Variants in SEL1L2 observed in about 807,000 individuals in gnomAD.
SEL1L2 encodes SEL1L2 adaptor subunit of SYVN1 ubiquitin ligase.
SEL1L2 carries 89 observed loss-of-function variants against 98.8 expected under a neutral mutation model. The observed-to-expected ratio is 0.90, with a 90% CI of 0.76 to 1.07. The LOEUF is 1.07. SEL1L2 is among the 50% of genes least tolerant of loss of function. The probability of loss-of-function intolerance (pLI) is 0.00; values close to 1 mark genes in which losing one functional copy is unlikely to be tolerated. For synonymous variants in SEL1L2, 262 were observed against 278.5 expected, an observed-to-expected ratio of 0.94 and a Z score of 0.59; for missense variants, 788 against 812.0, an observed-to-expected ratio of 0.97 and a Z score of 0.36.
chr20:13,873,083 T>C (rs1248694008), intron 12 of SEL1L2, among the ~76,000 whole-genome samples: 1 of 151,580 alleles, frequency 6.6e-6, no homozygotes. Flanking sequence ...CTTTGCCTCC[T>C]GGGTTTAAGT....
In SEL1L2 at chr20:13,859,403, A is replaced by G; in HGVS notation, c.1677T>C (p.Asp559=). Residue 559 remains aspartate (D), a synonymous_variant, in exon 18 of 20, where the codon GAT becomes GAC. Transcript: ENST00000284951. The stretch of plus-strand genomic sequence containing the variant: ...TAGTCCCATAGCCATAGTAATGGTA[A>G]TCTCCAATTTTTACTCTAGCAAATG... ...GNAFARVKIG[D]YHYYGYGTKK... 1 of 1,614,040 alleles carries G rather than the reference A, an allele frequency of 6.2e-7. No individual in the cohort carries two copies. Among genetic ancestry groups the G allele is most frequent in the Non-Finnish European group, 8.5e-7 (1 of 1,179,932 alleles).
intron 2 of SEL1L2, among the ~76,000 whole-genome samples, chr20:13,934,605 C>T (rs1236937036): frequency 6.8e-6 from 1 of 147,874 alleles, no homozygotes; most frequent in East Asian, 2.0e-4. Flanking sequence ...TGTATAATGA[C>T]TTCTTTTCCT....
At chr20:13,881,149 G>T (rs920146280) in intron 10 of SEL1L2, among the ~76,000 whole-genome samples, 2 of 152,158 alleles carry the variant, frequency 1.3e-5, no homozygotes, top group Non-Finnish European at 2.9e-5. Context: ...GAGTGGCTGG[G>T]ACTACAGGCG....
At chr20:13,871,958 T>C (rs2046223757) in intron 12 of SEL1L2, among the ~76,000 whole-genome samples, 1 of 152,186 alleles carries the variant, frequency 6.6e-6, no homozygotes. Flanking sequence ...GGAGTAACCC[T>C]CAGTAACACA....
At chr20:13,854,965 T>C (rs564772229) in intron 18 of SEL1L2, among the ~76,000 whole-genome samples, 2 of 150,488 alleles carry the variant, frequency 1.3e-5, no homozygotes, top group African/African-American at 2.5e-5. Flanking sequence ...GCAGGAGAAT[T>C]GCTTGAACCT....
intron 1 of SEL1L2, among the ~76,000 whole-genome samples, chr20:13,974,475 C>CTCTTTTTTT (rs71335938): frequency 1.2e-5 from 1 of 80,180 alleles, no homozygotes; most frequent in Non-Finnish European, 2.2e-5. Context: ...CTCTCTCTCT[C>CTCTTTTTTT]TTTTTTTTTT....
intron 2 of SEL1L2, among the ~76,000 whole-genome samples, chr20:13,938,046 G>A (rs2049540702): frequency 6.6e-6 from 1 of 151,684 alleles, no homozygotes; most frequent in Non-Finnish European, 1.5e-5. Flanking sequence ...CAAAAACAGT[G>A]CTGGGAGGCA....
rs1184908849 is a variant in SEL1L2, at chr20:13,849,585, C to A, written c.1967G>T (p.Trp656Leu). 2 of 1,613,882 alleles carry A rather than the reference C, an allele frequency of 1.2e-6. No homozygotes were observed. The highest frequency in any genetic ancestry group is 1.7e-5 in the Admixed American group (1 of 59,984). ...TCCAATGGTGTTGTCCAGTTTCAGCCAGTTCCATCTCGTTGTGAACTGCTG... is the reference window on the plus strand; with the variant it reads ...TCCAATGGTGTTGTCCAGTTTCAGCAAGTTCCATCTCGTTGTGAACTGCTG... ...LFFNFTTRWNWLKLDNTIGPH... is the reference protein window; with the variant it reads ...LFFNFTTRWNLLKLDNTIGPH... Residue 656 changes from tryptophan to leucine, a missense_variant, in exon 20 of 20, where the codon TGG becomes TTG. Trp to Leu is a moderately conservative substitution (Grantham distance 61). Coordinates refer to ENST00000284951, the MANE Select transcript of SEL1L2 (RefSeq NM_025229.2).
intron 5 of SEL1L2, among the ~76,000 whole-genome samples, chr20:13,889,932 A>T (rs900966696): frequency 3.9e-5 from 6 of 152,254 alleles, no homozygotes; most frequent in African/African-American, 1.2e-4. Flanking sequence ...GAGCAAGATG[A>T]TGGAATAGGA....
At chr20:13,910,729 A>G (rs571170372) in intron 5 of SEL1L2, among the ~76,000 whole-genome samples, 17 of 152,314 alleles carry the variant, frequency 1.1e-4, no homozygotes, top group African/African-American at 4.1e-4. Context: ...TAAAACCAAT[A>G]GCAAAAAAAG....
intron 4 of SEL1L2, chr20:13,915,271 C>A: frequency 1.6e-6 from 2 of 1,279,396 alleles, no homozygotes; most frequent in South Asian, 2.5e-5. Context: ...GTGAGTACTC[C>A]AGTGGAACAA....
chr20:13,983,810 T>A (rs571340560), intron 1 of SEL1L2, among the ~76,000 whole-genome samples: 1 of 151,428 alleles, frequency 6.6e-6, no homozygotes, highest in Non-Finnish European at 1.5e-5. Context: ...TATGAACCAC[T>A]GTGGCCCGCC....
At chr20:13,854,755 T>G (rs776173139) in intron 18 of SEL1L2, among the ~76,000 whole-genome samples, 11 of 152,238 alleles carry the variant, frequency 7.2e-5, no homozygotes, top group Admixed American at 2.6e-4. Flanking sequence ...TAGATATCTT[T>G]TAAATCTGGG....
intron 1 of SEL1L2, among the ~76,000 whole-genome samples, chr20:13,964,556 G>A (rs755050695): frequency 6.7e-6 from 1 of 148,326 alleles, no homozygotes; most frequent in Non-Finnish European, 1.5e-5. Flanking sequence ...TGGTTCAAGC[G>A]ATTCTCCTGC....
chr20:13,943,707 T>C (rs999889985), intron 2 of SEL1L2, among the ~76,000 whole-genome samples: 5 of 152,056 alleles, frequency 3.3e-5, no homozygotes, highest in Non-Finnish European at 7.4e-5. Flanking sequence ...GGGAGTCAAA[T>C]GGGGAGTTAA....
At chr20:13,908,035 C>T (rs2048044469) in intron 5 of SEL1L2, among the ~76,000 whole-genome samples, 1 of 151,202 alleles carries the variant, frequency 6.6e-6, no homozygotes, top group Admixed American at 6.6e-5. Flanking sequence ...GATCTCCCGC[C>T]TCAGCCTCCC....
At chr20:13,859,682 T>TTTG (rs762654783) in intron 17 of SEL1L2, among the ~76,000 whole-genome samples, 11 of 152,120 alleles carry the variant, frequency 7.2e-5, no homozygotes, top group East Asian at 5.8e-4. Context: ...GTATGCATGT[T>TTTG]TTGTTGTTGT....
At chr20:13,964,942 T>C (rs1256722181) in intron 1 of SEL1L2, among the ~76,000 whole-genome samples, 1 of 152,194 alleles carries the variant, frequency 6.6e-6, no homozygotes, top group African/African-American at 2.4e-5. Flanking sequence ...CGTTATACTA[T>C]CTCCGATATC....
intron 1 of SEL1L2, among the ~76,000 whole-genome samples, chr20:13,962,909 A>G (rs895323520): frequency 2.0e-5 from 3 of 152,066 alleles, no homozygotes; most frequent in African/African-American, 7.2e-5. Context: ...GCTAAAAAAT[A>G]TACAAAAATT....
Sources: gnomAD v4.1 joint callset for allele counts (sites outside exome capture counted in the v4.1 genomes callset) on GRCh38, gnomAD v4.1.1 for gene constraint, MANE v1.5 for transcripts, NCBI Gene and HGNC (gene_info 2026-07-23, HGNC 2026-07-21) for gene names.